CSF2RB: variants seen among roughly 807,000 people sequenced by gnomAD.
CSF2RB encodes colony stimulating factor 2 receptor subunit beta, also known as cytokine receptor common subunit beta.
A neutral mutation model predicts 67.2 loss-of-function variants in CSF2RB; 22 were observed. That is an observed-to-expected ratio of 0.33 (90% CI 0.23 to 0.47). The LOEUF (loss-of-function observed/expected upper bound fraction) is 0.47, where lower values mean the gene tolerates loss of function less well. CSF2RB is among the 20% of genes least tolerant of loss of function. The pLI is 1.00. For missense variants in CSF2RB, 1,113 were observed against 1,174.5 expected, an observed-to-expected ratio of 0.95 and a Z score of 0.76; for synonymous variants, 507 against 482.9, an observed-to-expected ratio of 1.05 and a Z score of -0.65.
chr22:36,933,030 G>A (rs1601590693), intron 9 of CSF2RB, 126 bp downstream of exon 9: 4 of 1,135,140 alleles, frequency 3.5e-6, no homozygotes, highest in East Asian at 4.8e-5. Context: ...TAGCCACTGG[G>A]ACGTGGTGAT....
In CSF2RB at chr22:36,937,794, T is replaced by A; in HGVS notation, c.1986T>A (p.Ala662=). 1.3e-6 allele frequency: 2 copies of A among 1,591,686 alleles called. No individual in the cohort carries two copies. The highest frequency in any genetic ancestry group is 1.7e-6 in the Non-Finnish European group (2 of 1,169,352). The change falls in exon 14 of 14, where the codon GCT becomes GCA. Residue 662 remains alanine (A), a synonymous_variant. Transcript: ENST00000403662. This position sits in a 1 kb window ranked among gnomAD's most constrained non-coding sequence, Gnocchi z 4.6. Reference sequence around the variant, plus strand: ...TGGAGAGAAGGCCGAGCCAGGGGGCTGCAGGGAGTCCCTCCCTGGAGTCCG... The same window carrying A: ...TGGAGAGAAGGCCGAGCCAGGGGGCAGCAGGGAGTCCCTCCCTGGAGTCCG... ...VEVERRPSQG[A]AGSPSLESGG... is the part of the protein sequence containing the mutation.
At chr22:36,934,086 C>T in intron 10 of CSF2RB, 92 bp downstream of exon 10, 1 of 1,515,886 alleles carries the variant, frequency 6.6e-7, no homozygotes, top group East Asian at 2.3e-5. Context: ...CCGTAGCAGG[C>T]CTGCAACAAC....
Position 36,938,115 on chromosome 22 carries a change from C to G in CSF2RB, c.2307C>G (p.Leu769=), listed in dbSNP as rs776668713. The stretch of plus-strand genomic sequence containing the variant: ...CAGGGTTTGAGGGCTATGTGGAGCT[C>G]CCTCCAATTGAGGGCCGGTCCCCCA... ...VKSGFEGYVE[L]PPIEGRSPRS... The change falls in exon 14 of 14, where the codon CTC becomes CTG. Residue 769 remains leucine, a synonymous_variant. Transcript: ENST00000403662. 12 of 1,613,956 alleles carry G rather than the reference C, an allele frequency of 7.4e-6. No individual in the cohort carries two copies. In the Admixed American group the frequency reaches 1.5e-4, roughly 20 times the overall value.
Position 36,930,496 on chromosome 22 carries a change from C to T in CSF2RB, c.840C>T (p.Pro280=), listed in dbSNP as rs143834108. 27 of 1,613,446 alleles carry T rather than the reference C, an allele frequency of 1.7e-5. No homozygotes were observed. The African/African-American group carries it at 3.5e-4, about 21-fold the overall frequency. ...TCTCCTTTGGCCTATTCTACAAGCC[C>T]AGCCCAGATGCAGGGTGAGCATCTT... ...SSVSFGLFYK[P]SPDAGEEECS... Residue 280 remains proline (P), a synonymous_variant, in exon 7 of 14, where the codon CCC becomes CCT. Coordinates refer to ENST00000403662, the MANE Select transcript of CSF2RB (RefSeq NM_000395.3).
At chr22:36,921,045 G>A (rs1204324664) in intron 1 of CSF2RB, among the ~76,000 whole-genome samples, 1 of 151,688 alleles carries the variant, frequency 6.6e-6, no homozygotes, top group Non-Finnish European at 1.5e-5. Flanking sequence ...ATGTCTGTGT[G>A]TAGGTGGTAT....
At chr22:36,920,004 T>C (rs919265706) in intron 1 of CSF2RB, among the ~76,000 whole-genome samples, 3 of 152,222 alleles carry the variant, frequency 2.0e-5, no homozygotes, top group African/African-American at 7.2e-5. Context: ...CACTGCGGGC[T>C]CGAATCTCAA....
At position 36,930,518 on chromosome 22, in the gene CSF2RB, TC is replaced by T. The variant is rs772326447; in HGVS notation, c.854+9del. 11 of 1,613,132 alleles carry T rather than the reference TC, an allele frequency of 6.8e-6. No homozygotes were observed. Among genetic ancestry groups the T allele is most frequent in the Non-Finnish European group, 9.3e-6 (11 of 1,179,996 alleles). On this transcript the variant is annotated intron_variant, in intron 7 of 13. Transcript: ENST00000403662. ...GCCCAGCCCAGATGCAGGGTGAGCA[TC>T]TTTTTTCTCCATCCCCTCCCCTCCT...
rs1456411620 is a variant in CSF2RB, at chr22:36,939,180, TG to T, written c.*682del. 1 of 702,158 alleles carries T rather than the reference TG, an allele frequency of 1.4e-6. No individual in the cohort carries two copies. Among genetic ancestry groups the T allele is most frequent in the Non-Finnish European group, 2.6e-6 (1 of 384,830 alleles). 43.5% of individuals were successfully genotyped at this position (702,158 alleles called of 1,614,324 possible). A position where few individuals can be genotyped will look rare whatever the true frequency, so the allele number is the denominator to read the frequency against. ...ACATGAGAGACTGTTTGGGAGCTTC[TG>T]GGGAGCCCTGCTAGTTGTCTCAGTG... On this transcript the variant is annotated 3_prime_UTR_variant, in exon 14 of 14. Coordinates refer to ENST00000403662, the MANE Select transcript of CSF2RB (RefSeq NM_000395.3).
Position 36,939,296 on chromosome 22 carries a change from A to G in CSF2RB, c.*794A>G. The G allele has an allele frequency of 1.4e-6, 1 of 701,732 alleles. No homozygotes were observed. Among genetic ancestry groups the G allele is most frequent in the Non-Finnish European group, 2.6e-6 (1 of 384,798 alleles). 43.5% of individuals were successfully genotyped at this position (701,732 alleles called of 1,614,324 possible). On this transcript the variant is annotated 3_prime_UTR_variant, in exon 14 of 14. Coordinates refer to ENST00000403662, the MANE Select transcript of CSF2RB (RefSeq NM_000395.3). ...GTGGGCAGGCTGGCGGGACCTGGGG[A>G]ACATCAGGAGAGGAGTCCAGAGCCC... is the stretch of plus-strand genomic sequence containing the variant.
intron 10 of CSF2RB, 100 bp from the exon 11 acceptor site, chr22:36,935,251 A>T (rs1235633627): frequency 1.7e-5 from 18 of 1,063,816 alleles, no homozygotes; most frequent in Non-Finnish European, 2.6e-5. Context: ...GCCTGCACAG[A>T]GCGGGGTCTT....
At chr22:36,935,261 T>G in intron 10 of CSF2RB, 90 bp from the exon 11 acceptor site, 1 of 1,215,822 alleles carries the variant, frequency 8.2e-7, no homozygotes, top group Non-Finnish European at 1.2e-6. Flanking sequence ...AGCGGGGTCT[T>G]AAGGAATACT....
chr22:36,930,931 G>A, intron 8 of CSF2RB, 101 bp downstream of exon 8: 2 of 1,419,128 alleles, frequency 1.4e-6, no homozygotes, highest in Non-Finnish European at 9.9e-7. Context: ...CCGTCTTCAT[G>A]TTTGTCACTT....
At chr22:36,934,388 G>C (rs1465496472) in intron 10 of CSF2RB, among the ~76,000 whole-genome samples, 1 of 152,194 alleles carries the variant, frequency 6.6e-6, no homozygotes, top group Non-Finnish European at 1.5e-5. Flanking sequence ...AGTGACACCT[G>C]GTGTTCAGTA....
rs763117276 is a variant in CSF2RB, at chr22:36,933,823, A to G, written c.1153-9A>G. On this transcript the variant is annotated splice_polypyrimidine_tract_variant and intron_variant, in intron 9 of 13. Transcript: ENST00000403662. ...CGGGCCAGGCCTCACCCTCAGTGCC[A>G]ACCCACAGGACAGCAAGACCGAGAC... is the stretch of plus-strand genomic sequence containing the variant. 1.2e-6 allele frequency: 2 copies of G among 1,604,546 alleles called. No individual in the cohort carries two copies. Among genetic ancestry groups the G allele is most frequent in the Non-Finnish European group, 1.7e-6 (2 of 1,178,398 alleles).
intron 3 of CSF2RB, among the ~76,000 whole-genome samples, chr22:36,924,923 AC>A (rs981923404): frequency 2.7e-5 from 4 of 150,862 alleles, no homozygotes; most frequent in African/African-American, 9.8e-5. Flanking sequence ...CTCTGCAGAG[AC>A]CCCCTCAGGC....
chr22:36,920,308 A>G (rs1360237675), intron 1 of CSF2RB, among the ~76,000 whole-genome samples: 1 of 152,252 alleles, frequency 6.6e-6, no homozygotes, highest in Non-Finnish European at 1.5e-5. Context: ...GGTATGGTCT[A>G]TATGTTGAAG....
At chr22:36,924,513 C>G (rs1305634261) in intron 3 of CSF2RB, among the ~76,000 whole-genome samples, 2 of 152,174 alleles carry the variant, frequency 1.3e-5, no homozygotes, top group African/African-American at 4.8e-5. Context: ...ACCTGGCAAC[C>G]CTGCGGCCCC....
At chr22:36,929,178 C>T (rs1474673250) in intron 4 of CSF2RB, among the ~76,000 whole-genome samples, 4 of 152,196 alleles carry the variant, frequency 2.6e-5, no homozygotes, top group Admixed American at 6.5e-5. Flanking sequence ...GGGTCACGTG[C>T]GCATTGCAAT....
intron 4 of CSF2RB, among the ~76,000 whole-genome samples, chr22:36,928,739 C>T (rs1666936610): frequency 6.6e-6 from 1 of 152,176 alleles, no homozygotes; most frequent in Admixed American, 6.5e-5. Flanking sequence ...CACCTTGCCC[C>T]ATAATTCACT....
Sources: allele counts gnomAD v4.1 joint callset (sites outside exome capture counted in the v4.1 genomes callset), GRCh38; gene constraint gnomAD v4.1.1; non-coding constraint Gnocchi (gnomAD v3.1); transcripts MANE v1.5; gene names NCBI Gene and HGNC (gene_info 2026-07-23, HGNC 2026-07-21).